C4orf50: variants seen among roughly 807,000 people sequenced by gnomAD.
C4orf50 encodes uncharacterized protein C4orf50.
C4orf50 carries 80 observed loss-of-function variants against 77.2 expected under a neutral mutation model. That is an observed-to-expected ratio of 1.04 (90% confidence interval 0.87 to 1.25). C4orf50 has a LOEUF of 1.25. Ranked by LOEUF, C4orf50 falls within the 50% of genes most tolerant of loss-of-function variation. C4orf50 has a pLI of 0.00. For missense variants in C4orf50, 1,257 were observed against 1,152.9 expected (o/e 1.09, Z -1.31); for synonymous variants, 532 against 465.3 (o/e 1.14, Z -1.84).
intron 29 of C4orf50, 41 bp downstream of exon 7, chr4:5,980,133 A>G (rs1384040077): frequency 2.6e-6 from 4 of 1,525,508 alleles, no homozygotes; most frequent in Middle Eastern, 4.8e-4. Context: ...GGGGTGTGGG[A>G]GCCCTGGCTG....
chr4:5,996,562 C>A (rs76779232), intron 25 of C4orf50, among the ~76,000 whole-genome samples: 1 of 152,138 alleles, frequency 6.6e-6, no homozygotes, highest in African/African-American at 2.4e-5. Flanking sequence ...TCAACCTCCT[C>A]CCCTTCTGGG....
chr4:5,944,478 A>G (rs1718398789), intron 7 of C4orf50, among the ~76,000 whole-genome samples: 1 of 152,186 alleles, frequency 6.6e-6, no homozygotes, highest in Non-Finnish European at 1.5e-5. Context: ...AAATAGAAGG[A>G]GTGAGCGAGG....
intron 7 of C4orf50, among the ~76,000 whole-genome samples, chr4:5,911,739 A>G (rs1716814715): frequency 1.3e-5 from 2 of 152,186 alleles, no homozygotes; most frequent in South Asian, 4.1e-4. Flanking sequence ...CAAAACAAAA[A>G]CAAAAACAAA....
chr4:5,903,789 G>T lies in C4orf50; in HGVS notation c.*2475-5601C>A, dbSNP rs557882968. 5.9e-5 allele frequency: 9 copies of T among 152,262 alleles called. No individual in the cohort carries two copies. In the South Asian group the frequency reaches 1.9e-3, roughly 32 times the overall value. 9.4% of individuals were successfully genotyped at this position (152,262 alleles called of 1,614,324 possible). On this transcript the variant is annotated intron_variant, in intron 7 of 7. Transcript: ENST00000324058. The stretch of plus-strand genomic sequence containing the variant: ...ATGGATACTTAAAAATGATTAAGAA[G>T]ATACGTTTTAGAGTTTTAGAGAAAC...
rs576880733 is a variant in C4orf50, at chr4:5,905,456, T to C, written c.*2475-7268A>G. 7.9e-5 allele frequency: 12 copies of C among 152,188 alleles called. No individual in the cohort carries two copies. Among genetic ancestry groups the C allele is most frequent in the Non-Finnish European group, 1.6e-4 (11 of 68,044 alleles). The allele number at this position is 152,188 out of a possible 1,614,324, so 9.4% of individuals were successfully genotyped here. A position where few individuals can be genotyped will look rare whatever the true frequency, so the allele number is the denominator to read the frequency against. ...CCCTGTGCTGTCTTCCTTCCTGCAATGACAAAATCAGGGAAACAGGTTCTT... is the reference window on the plus strand; with the variant it reads ...CCCTGTGCTGTCTTCCTTCCTGCAACGACAAAATCAGGGAAACAGGTTCTT... On this transcript the variant is annotated intron_variant, in intron 7 of 7. Transcript: ENST00000324058. The surrounding 1 kb of genome is among the most constrained non-coding windows in gnomAD (Gnocchi z 5.4).
At chr4:5,911,773 C>T (rs1460552287) in intron 7 of C4orf50, among the ~76,000 whole-genome samples, 2 of 152,198 alleles carry the variant, frequency 1.3e-5, no homozygotes, top group Non-Finnish European at 2.9e-5. Flanking sequence ...AAACACTAGG[C>T]GTGGTGGCTC....
rs766200227 is a variant in C4orf50, at chr4:5,981,271, C to T, written c.3700-933G>A. ...GCCTCCTGTGGCCGTGCTGAACACT[C>T]GGATTATTCTAACATCTTGCTGTTA... is the stretch of plus-strand genomic sequence containing the variant. On this transcript the variant is annotated intron_variant, in intron 28 of 33. Coordinates refer to ENST00000531445, the Ensembl canonical transcript of C4orf50. 1.2e-4 allele frequency among the ~76,000 whole-genome samples: 18 copies of T among 152,128 alleles called. No individual in the cohort carries two copies. In the East Asian group the frequency reaches 1.4e-3, roughly 11 times the overall value.
exon 28 of C4orf50, chr4:5,989,271 C>G: frequency 6.5e-7 from 1 of 1,536,038 alleles, no homozygotes; most frequent in Non-Finnish European, 8.7e-7. Context: ...GCTGATGAAA[C>G]CTGCTCCTCA....
intron 7 of C4orf50, among the ~76,000 whole-genome samples, chr4:5,936,550 A>G (rs4688951): frequency 0.94 from 129,155 of 137,594 alleles, 60,712 homozygotes; most frequent in East Asian, 1. Context: ...CAACAATGGC[A>G]AGACGCCATC....
intron 7 of C4orf50, among the ~76,000 whole-genome samples, chr4:5,951,361 G>A (rs1195851346): frequency 2.0e-5 from 3 of 152,094 alleles, no homozygotes; most frequent in Non-Finnish European, 4.4e-5. Flanking sequence ...GCACATGATT[G>A]TGAAGCAAGA....
intron 7 of C4orf50, chr4:5,899,141 C>T (rs2152479302): frequency 6.6e-6 from 1 of 152,310 alleles, no homozygotes; most frequent in Non-Finnish European, 1.5e-5. Flanking sequence ...CCCCAGGGAT[C>T]TTTTCCTTCT....
At chr4:5,994,024 G>A (rs1721439673) in intron 26 of C4orf50, among the ~76,000 whole-genome samples, 1 of 152,096 alleles carries the variant, frequency 6.6e-6, no homozygotes, top group African/African-American at 2.4e-5. Flanking sequence ...ACGGACTTCT[G>A]TGAAAGCATG....
chr4:6,002,560 C>T (rs1560596787), intron 25 of C4orf50, among the ~76,000 whole-genome samples: 1 of 152,336 alleles, frequency 6.6e-6, no homozygotes, highest in East Asian at 1.9e-4. Context: ...GCTGGGAACA[C>T]CTTGCCTGCT....
intron 7 of C4orf50, among the ~76,000 whole-genome samples, chr4:5,939,207 C>G (rs1718161738): frequency 6.6e-6 from 1 of 152,152 alleles, no homozygotes; most frequent in East Asian, 1.9e-4. Flanking sequence ...CGCGCCATTG[C>G]ACTCCAGCAT....
At chr4:6,005,741 A>C (rs1722223076) in intron 25 of C4orf50, among the ~76,000 whole-genome samples, 2 of 152,210 alleles carry the variant, frequency 1.3e-5, no homozygotes, top group South Asian at 4.1e-4. Context: ...AGTACTTCCT[A>C]AATACATAGG....
At chr4:5,951,336 T>A (rs1224898569) in intron 7 of C4orf50, among the ~76,000 whole-genome samples, 2 of 76,938 alleles carry the variant, frequency 2.6e-5, no homozygotes, top group African/African-American at 6.8e-5. Context: ...ATTGAGGGAA[T>A]GAAGGGGGGT....
chr4:5,930,091 A>G (rs1006643407), intron 7 of C4orf50, among the ~76,000 whole-genome samples: 5 of 152,216 alleles, frequency 3.3e-5, no homozygotes, highest in Admixed American at 6.5e-5. Context: ...CATTGGGCTC[A>G]TGAAAGAGGC....
In C4orf50 at chr4:6,006,012, T is replaced by G. The variant is rs139749936; in HGVS notation, c.963+1984A>C. Among the ~76,000 whole-genome samples, 741 of 152,360 alleles carry G rather than the reference T, an allele frequency of 4.9e-3. 6 individuals are homozygous for G. The highest frequency in any genetic ancestry group is 0.017 in the African/African-American group (711 of 41,594). The stretch of plus-strand genomic sequence containing the variant: ...AGAATTTTAAATGACAATTTCCATC[T>G]GTGCACACTTGTTTTCCAAAATTAC... On this transcript the variant is annotated intron_variant, in intron 25 of 33. Coordinates refer to ENST00000531445, the Ensembl canonical transcript of C4orf50.
At chr4:5,934,806 C>A (rs926969232) in intron 7 of C4orf50, among the ~76,000 whole-genome samples, 3 of 152,252 alleles carry the variant, frequency 2.0e-5, no homozygotes, top group African/African-American at 7.2e-5. Context: ...TTATTGTGTA[C>A]TCACTATCAT....
Sources: allele counts gnomAD v4.1 joint callset (sites outside exome capture counted in the v4.1 genomes callset), GRCh38; gene constraint gnomAD v4.1.1; non-coding constraint Gnocchi (gnomAD v3.1); transcripts MANE v1.5; gene names NCBI Gene and HGNC (gene_info 2026-07-23, HGNC 2026-07-21).